The following CDH13 variants were observed in gnomAD, a reference collection of about 807,000 sequenced individuals.
CDH13 encodes cadherin-13.
Under a neutral mutation model 63.8 loss-of-function variants are expected in CDH13, and 24 were observed. That is an observed-to-expected ratio of 0.38 (90% CI 0.27 to 0.53). The LOEUF (loss-of-function observed/expected upper bound fraction) is 0.53. Among genes scored for constraint, CDH13 ranks in the 20% least tolerant of loss-of-function variants. CDH13 has a pLI of 0.85. For synonymous variants in CDH13, 503 were observed against 355.3 expected (o/e 1.42, Z -4.67); for missense variants, 1,049 against 903.1 (o/e 1.16, Z -2.07).
chr16:82,864,487 G>A (rs1310539636), intron 2 of CDH13, among the ~76,000 whole-genome samples: 1 of 152,134 alleles, frequency 6.6e-6, no homozygotes, highest in African/African-American at 2.4e-5. Flanking sequence ...ACCTTCTTCA[G>A]AAGGTGGCAG....
intron 8 of CDH13, among the ~76,000 whole-genome samples, chr16:83,659,683 G>A (rs1313062686): frequency 1.3e-5 from 2 of 152,142 alleles, no homozygotes; most frequent in African/African-American, 4.8e-5. Context: ...AAGAATGACA[G>A]CTTTAGTCTG....
At chr16:83,158,285 C>G (rs1055183333) in intron 4 of CDH13, among the ~76,000 whole-genome samples, 2 of 152,196 alleles carry the variant, frequency 1.3e-5, no homozygotes, top group African/African-American at 2.4e-5. Flanking sequence ...TTGTTTCCTG[C>G]TCCCTCCCCA....
intron 4 of CDH13, among the ~76,000 whole-genome samples, chr16:83,192,065 C>T (rs910149206): frequency 1.4e-4 from 21 of 152,144 alleles, no homozygotes; most frequent in African/African-American, 3.9e-4. Flanking sequence ...GCAATCTGCA[C>T]GGATACTCGG....
chr16:83,607,271 T>C (rs922446954), intron 8 of CDH13, among the ~76,000 whole-genome samples: 1 of 151,846 alleles, frequency 6.6e-6, no homozygotes, highest in Non-Finnish European at 1.5e-5. Flanking sequence ...TACAGAAAGA[T>C]TAGCTGGGCA....
At position 83,047,102 on chromosome 16, in the gene CDH13, C is replaced by G. The variant is rs1917860806; in HGVS notation, c.366+14884C>G. Reference sequence around the variant, plus strand: ...TTCCTTTGACAGCAACTTTTTACAACTTCCTTCCTTTGAAGATATAAAGCT... The same window carrying G: ...TTCCTTTGACAGCAACTTTTTACAAGTTCCTTCCTTTGAAGATATAAAGCT... On this transcript the variant is annotated intron_variant, in intron 3 of 13. Coordinates refer to ENST00000567109, the MANE Select transcript of CDH13 (RefSeq NM_001257.5). This position sits in a 1 kb window ranked among gnomAD's most constrained non-coding sequence, Gnocchi z 4.9. 6.6e-6 allele frequency among the ~76,000 whole-genome samples: 1 copy of G among 152,178 alleles called. No individual in the cohort carries two copies. The highest frequency in any genetic ancestry group is 2.4e-5 in the African/African-American group (1 of 41,444).
At chr16:83,023,324 C>T (rs954034111) in intron 2 of CDH13, among the ~76,000 whole-genome samples, 11 of 152,080 alleles carry the variant, frequency 7.2e-5, no homozygotes, top group Admixed American at 6.6e-4. Context: ...CCCCGCCCTC[C>T]CAGGGTGTTC....
chr16:83,569,280 A>T (rs1447434696), intron 7 of CDH13, among the ~76,000 whole-genome samples: 1 of 152,058 alleles, frequency 6.6e-6, no homozygotes, highest in Non-Finnish European at 1.5e-5. Context: ...TCCCCATTGG[A>T]ACCAGCTCCA....
At chr16:83,026,297 G>A (rs1915792716) in intron 2 of CDH13, among the ~76,000 whole-genome samples, 1 of 152,216 alleles carries the variant, frequency 6.6e-6, no homozygotes, top group African/African-American at 2.4e-5. Context: ...AGCTTGGGCT[G>A]TAGAGGCAGA....
At chr16:83,179,403 G>T (rs902580261) in intron 4 of CDH13, among the ~76,000 whole-genome samples, 6 of 151,008 alleles carry the variant, frequency 4.0e-5, no homozygotes, top group African/African-American at 1.2e-4. Context: ...CAGCACTTTG[G>T]GAGGCCGAGG....
At chr16:82,741,958 A>T (rs1473619879) in intron 1 of CDH13, among the ~76,000 whole-genome samples, 3 of 152,222 alleles carry the variant, frequency 2.0e-5, no homozygotes, top group Non-Finnish European at 2.9e-5. Context: ...GGAAATAAAG[A>T]TGTGAAAAAA....
intron 1 of CDH13, among the ~76,000 whole-genome samples, chr16:82,672,999 CTTTTTT>C (rs562942948): frequency 1.2e-4 from 10 of 81,278 alleles, no homozygotes; most frequent in Non-Finnish European, 1.7e-4. Flanking sequence ...ATAAAGTTTT[CTTTTTT>C]TTTTTTTTTT....
At chr16:83,202,413 G>T (rs1161189895) in intron 4 of CDH13, among the ~76,000 whole-genome samples, 6 of 152,108 alleles carry the variant, frequency 3.9e-5, no homozygotes, top group African/African-American at 1.4e-4. Context: ...AATCAATGGG[G>T]TGGGGGGCCC....
chr16:83,115,211 G>T (rs754357740), intron 3 of CDH13, among the ~76,000 whole-genome samples: 2 of 152,214 alleles, frequency 1.3e-5, no homozygotes, highest in Non-Finnish European at 2.9e-5. Context: ...AGAGGCCAAA[G>T]AGCTGAATGA....
At chr16:83,145,466 G>T (rs147613292) in intron 4 of CDH13, among the ~76,000 whole-genome samples, 3 of 152,192 alleles carry the variant, frequency 2.0e-5, no homozygotes, top group African/African-American at 7.2e-5. Context: ...GAGGACTGTT[G>T]CCGTTATTAG....
intron 2 of CDH13, among the ~76,000 whole-genome samples, chr16:82,989,943 AT>A (rs76488923): frequency 0.3 from 44,619 of 148,028 alleles, 6,642 homozygotes; most frequent in Middle Eastern, 0.35. Flanking sequence ...CATCAGTCCC[AT>A]TTTTTTTTTT....
chr16:83,284,543 T>C (rs1010970880), intron 5 of CDH13, among the ~76,000 whole-genome samples: 9 of 152,156 alleles, frequency 5.9e-5, no homozygotes, highest in Admixed American at 6.5e-5. Flanking sequence ...GAATTGAGCA[T>C]TTTTTAGTGG....
intron 1 of CDH13, among the ~76,000 whole-genome samples, chr16:82,812,454 G>A (rs960406175): frequency 2.0e-5 from 3 of 152,086 alleles, no homozygotes; most frequent in Admixed American, 2.0e-4. Flanking sequence ...GACTTTGGAG[G>A]GAGCAGCCAC....
At chr16:83,280,011 C>T (rs966880432) in intron 5 of CDH13, among the ~76,000 whole-genome samples, 3 of 152,174 alleles carry the variant, frequency 2.0e-5, no homozygotes, top group Non-Finnish European at 4.4e-5. Context: ...GGTAAAGAGT[C>T]TTGCCGCAAT....
chr16:83,527,313 G>A (rs1405873490), intron 7 of CDH13, among the ~76,000 whole-genome samples: 1 of 151,910 alleles, frequency 6.6e-6, no homozygotes, highest in Non-Finnish European at 1.5e-5. Flanking sequence ...GCTGGGCATG[G>A]TGGCAGGTGC....
Sources: gnomAD v4.1 joint callset for allele counts (sites outside exome capture counted in the v4.1 genomes callset) on GRCh38, gnomAD v4.1.1 for gene constraint, Gnocchi (gnomAD v3.1) non-coding constraint, MANE v1.5 for transcripts, NCBI Gene and HGNC (gene_info 2026-07-23, HGNC 2026-07-21) for gene names.